The following UBE2A variants were observed in gnomAD, a reference collection of about 807,000 sequenced individuals.
UBE2A encodes the protein ubiquitin-conjugating enzyme E2 A.
For synonymous variants in UBE2A, 39 were observed against 41.1 expected (o/e 0.95, Z 0.20); for missense variants, 27 against 125.8 (o/e 0.21, Z 3.76).
chrX:119,578,347 C>T (rs2053431228), intron 3 of UBE2A, among the ~76,000 whole-genome samples: 1 of 111,704 alleles, frequency 9.0e-6, no homozygotes, highest in Non-Finnish European at 1.9e-5. Context: ...TGTTAATAGA[C>T]ATGGTAAGGT....
chrX:119,576,865 C>T (rs1167428780), intron 3 of UBE2A: 5 of 112,432 alleles, frequency 4.4e-5, no homozygotes, highest in East Asian at 5.5e-4. Flanking sequence ...TAGCAAAAAA[C>T]TATAGCTAGA....
chrX:119,575,786 C>G, intron 3 of UBE2A: 1 of 180,939 alleles, frequency 5.5e-6, no homozygotes, highest in Non-Finnish European at 1.0e-5. Flanking sequence ...GTTCAGAATT[C>G]TACCCCAAGG....
At chrX:119,581,068 GTA>G (rs1010526202) in intron 3 of UBE2A, 1 of 113,791 alleles carries the variant, frequency 8.8e-6, no homozygotes, top group Non-Finnish European at 1.8e-5. Context: ...TTATGGATTT[GTA>G]TTCTGGCATT....
intron 3 of UBE2A, among the ~76,000 whole-genome samples, chrX:119,578,477 T>C (rs2053432091): frequency 8.9e-6 from 1 of 111,804 alleles, no homozygotes; most frequent in Admixed American, 9.5e-5. Flanking sequence ...AATGAATCTC[T>C]AAAGTCCACT....
Position 119,583,901 on chromosome X carries a change from G to T in UBE2A, c.*646G>T, listed in dbSNP as rs2053469944. ...CCTCTCTTTGCAAGCTGCTGACTGG[G>T]CACACTCATGCCAAGTTTCAGAATT... On this transcript the variant is annotated 3_prime_UTR_variant, in exon 6 of 6. Coordinates refer to ENST00000371558, the MANE Select transcript of UBE2A (RefSeq NM_003336.4). 1 of 112,754 alleles carries T rather than the reference G, an allele frequency of 8.9e-6. No homozygotes were observed. Among genetic ancestry groups the T allele is most frequent in the Non-Finnish European group, 1.9e-5 (1 of 53,492 alleles). The allele number at this position is 112,754 out of a possible 1,213,427, so 9.3% of individuals were successfully genotyped here.
At chrX:119,579,999 A>G (rs900385184) in intron 3 of UBE2A, among the ~76,000 whole-genome samples, 6 of 112,006 alleles carry the variant, frequency 5.4e-5, no homozygotes, top group Middle Eastern at 9.4e-3. Flanking sequence ...TTCCTCAGAA[A>G]GAGGAAGATT....
rs1264053529 is a variant in UBE2A at position 119,576,964 on chromosome X, C to T, written c.151+1564C>T. The T allele has an allele frequency of 5.3e-5, 6 of 112,174 alleles. No individual in the cohort carries two copies. The East Asian group carries it at 1.7e-3, about 31-fold the overall frequency. 9.2% of individuals were successfully genotyped at this position (112,174 alleles called of 1,213,427 possible). ...TTTGAGACGGAGTTGCGCCCTGTCA[C>T]CCAGGCTGGAGTGCGATGGTGTGAT... On this transcript the variant is annotated intron_variant, in intron 3 of 5. Transcript: ENST00000371558.
intron 3 of UBE2A, among the ~76,000 whole-genome samples, chrX:119,577,973 G>C (rs1030443024): frequency 9.0e-6 from 1 of 111,386 alleles, no homozygotes; most frequent in Non-Finnish European, 1.9e-5. Context: ...TTTATTTATA[G>C]TTGGGGAATT....
At chrX:119,579,784 G>T (rs2053439485) in intron 3 of UBE2A, among the ~76,000 whole-genome samples, 1 of 107,441 alleles carries the variant, frequency 9.3e-6, no homozygotes. Context: ...AAGTAGCTGG[G>T]ATCTCCATGT....
chrX:119,578,336 T>C (rs1233722877), intron 3 of UBE2A, among the ~76,000 whole-genome samples: 1 of 112,161 alleles, frequency 8.9e-6, no homozygotes, highest in Non-Finnish European at 1.9e-5. Flanking sequence ...AATCTAAAAA[T>C]TGTTAATAGA....
At position 119,574,881 on chromosome X, in the gene UBE2A, C is replaced by T. The variant is rs1569405332; in HGVS notation, c.45-20C>T. Reference sequence around the variant, plus strand: ...GGCGCCAGTGCCGGCCTAGGGGGACCCCTGTCTGTCTTCCCGAAGGTTGCA... The same window carrying T: ...GGCGCCAGTGCCGGCCTAGGGGGACTCCTGTCTGTCTTCCCGAAGGTTGCA... On this transcript the variant is annotated intron_variant, in intron 1 of 5. Coordinates refer to ENST00000371558, the MANE Select transcript of UBE2A (RefSeq NM_003336.4). 2 of 1,210,861 alleles carry T rather than the reference C, an allele frequency of 1.7e-6. No individual in the cohort carries two copies. The highest frequency in any genetic ancestry group is 3.5e-5 in the South Asian group (2 of 57,012).
At chrX:119,577,579 T>TTCC (rs2053423884) in intron 3 of UBE2A, among the ~76,000 whole-genome samples, 1 of 109,795 alleles carries the variant, frequency 9.1e-6, no homozygotes, top group Admixed American at 9.8e-5. Context: ...CGATGGATGC[T>TTCC]TCCTCAGGTG....
chrX:119,582,786 CTTGT>C (rs1238338090), intron 5 of UBE2A, 110 bp downstream of exon 5: 7 of 705,707 alleles, frequency 9.9e-6, no homozygotes, highest in African/African-American at 2.2e-5. Context: ...TTGGTCAAAG[CTTGT>C]TTGTTTTATA....
chrX:119,575,249 A>T, intron 2 of UBE2A, 126 bp from the exon 3 acceptor site: 3 of 1,017,711 alleles, frequency 2.9e-6, no homozygotes, highest in Non-Finnish European at 2.8e-6. Flanking sequence ...CGGGACATCC[A>T]TTTGTAGTGG....
chrX:119,581,280 A>G, intron 3 of UBE2A: 1 of 308,142 alleles, frequency 3.2e-6, no homozygotes, highest in East Asian at 5.5e-5. Context: ...TTTTGTGTTT[A>G]TGATGGCTGT....
chrX:119,576,445 GA>G (rs2053416497), intron 3 of UBE2A, among the ~76,000 whole-genome samples: 1 of 110,840 alleles, frequency 9.0e-6, no homozygotes, highest in African/African-American at 3.3e-5. Flanking sequence ...TAAAAAAAAG[GA>G]AAAGGATCTT....
In UBE2A at chrX:119,579,834, C is replaced by G. The variant is rs762330400; in HGVS notation, c.152-1673C>G. ...CCAGTTTTAGAGCAGTGTCTCTTAC[C>G]CATAATTTAGTCAGATTGCAACATT... On this transcript the variant is annotated intron_variant, in intron 3 of 5. Coordinates refer to ENST00000371558, the MANE Select transcript of UBE2A (RefSeq NM_003336.4). Among the ~76,000 whole-genome samples the G allele has an allele frequency of 8.9e-5, 10 of 111,955 alleles. No individual in the cohort carries two copies. In the East Asian group the frequency reaches 2.8e-3, roughly 31 times the overall value.
chrX:119,577,512 C>T (rs763231457), intron 3 of UBE2A, among the ~76,000 whole-genome samples: 1 of 110,675 alleles, frequency 9.0e-6, no homozygotes, highest in South Asian at 3.8e-4. Flanking sequence ...TATCTCCATC[C>T]TAGCATTACT....
chrX:119,576,680 A>C (rs1306294078), intron 3 of UBE2A, among the ~76,000 whole-genome samples: 1 of 112,130 alleles, frequency 8.9e-6, no homozygotes, highest in Non-Finnish European at 1.9e-5. Flanking sequence ...TCAAGTACTT[A>C]GATTTCCCCA....
Sources: allele counts gnomAD v4.1 joint callset (sites outside exome capture counted in the v4.1 genomes callset), GRCh38; gene constraint gnomAD v4.1.1; transcripts MANE v1.5; gene names NCBI Gene and HGNC (gene_info 2026-07-23, HGNC 2026-07-21).